LDLRAD3: variants seen among roughly 807,000 people sequenced by gnomAD.
LDLRAD3 encodes low density lipoprotein receptor class A domain containing 3, also known as low-density lipoprotein receptor class A domain-containing protein 3.
Under a neutral mutation model 29.4 loss-of-function variants are expected in LDLRAD3, and 20 were observed. The observed-to-expected ratio is 0.68, with a 90% confidence interval of 0.48 to 0.99. The LOEUF is 0.99. Ranked by LOEUF, LDLRAD3 falls within the 50% of genes least tolerant of loss-of-function variation. LDLRAD3 has a pLI of 0.00. For synonymous variants in LDLRAD3, 157 were observed against 192.7 expected (o/e 0.81, Z 1.53); for missense variants, 420 against 454.3 (o/e 0.92, Z 0.69).
chr11:36,145,158 G>C (rs1343785368), intron 4 of LDLRAD3, among the ~76,000 whole-genome samples: 3 of 124,242 alleles, frequency 2.4e-5, no homozygotes. Context: ...AGGGAGGTGG[G>C]GGGGTCAGCC....
rs147575067 is a variant in LDLRAD3 at position 36,058,023 on chromosome 11, A to T, written c.193+21774A>T. Reference sequence around the variant, plus strand: ...GCACTGGGGTTGATGCCCTCTGAGCACTCAGGAGATGTCTCTTTGATTTTC... The same window carrying T: ...GCACTGGGGTTGATGCCCTCTGAGCTCTCAGGAGATGTCTCTTTGATTTTC... On this transcript the variant is annotated intron_variant, in intron 2 of 5. Transcript: ENST00000315571. Among the ~76,000 whole-genome samples the T allele has an allele frequency of 7.9e-3, 1,197 of 152,318 alleles. 15 individuals are homozygous for T. Among genetic ancestry groups the T allele is most frequent in the Non-Finnish European group, 0.013 (871 of 68,032 alleles).
intron 4 of LDLRAD3, among the ~76,000 whole-genome samples, chr11:36,135,274 T>G (rs1023608487): frequency 6.6e-6 from 1 of 152,222 alleles, no homozygotes; most frequent in African/African-American, 2.4e-5. Context: ...AAGTCGTGCC[T>G]CTGCATTCCA....
chr11:35,965,283 A>G (rs1357693772), intron 1 of LDLRAD3, among the ~76,000 whole-genome samples: 3 of 152,206 alleles, frequency 2.0e-5, no homozygotes, highest in African/African-American at 7.2e-5. Flanking sequence ...AGAATGAAGG[A>G]TGGTCCTGTA....
chr11:36,002,251 G>A (rs7121719), intron 1 of LDLRAD3, among the ~76,000 whole-genome samples: 5,755 of 152,318 alleles, frequency 0.038, 178 homozygotes, highest in East Asian at 0.13. Flanking sequence ...ACACTTAACA[G>A]TCATTCCTGT....
intron 2 of LDLRAD3, among the ~76,000 whole-genome samples, chr11:36,069,969 C>G (rs746857603): frequency 5.9e-5 from 9 of 152,196 alleles, no homozygotes; most frequent in Non-Finnish European, 1.3e-4. Context: ...TCAGCTGAAA[C>G]CGACCTTCCC....
chr11:36,086,830 T>C (rs1853203646), intron 3 of LDLRAD3, among the ~76,000 whole-genome samples: 2 of 152,318 alleles, frequency 1.3e-5, no homozygotes, highest in Admixed American at 1.3e-4. Context: ...TTAAGTGATA[T>C]TCAGTGGGAA....
intron 4 of LDLRAD3, among the ~76,000 whole-genome samples, chr11:36,191,865 T>C (rs1393376234): frequency 6.6e-6 from 1 of 152,026 alleles, no homozygotes; most frequent in African/African-American, 2.4e-5. Context: ...ACAGTGATTA[T>C]CTGTAATTAC....
intron 4 of LDLRAD3, among the ~76,000 whole-genome samples, chr11:36,103,094 C>A (rs1399367972): frequency 6.6e-6 from 1 of 152,058 alleles, no homozygotes; most frequent in Admixed American, 6.6e-5. Context: ...TTTCATTTTG[C>A]AAATCTGAAA....
intron 1 of LDLRAD3, among the ~76,000 whole-genome samples, chr11:35,994,254 A>G (rs573413141): frequency 2.1e-5 from 3 of 145,922 alleles, no homozygotes; most frequent in Non-Finnish European, 4.5e-5. Flanking sequence ...GGAGAATGGC[A>G]TGAACCCAGG....
At chr11:35,972,886 A>G (rs1473837135) in intron 1 of LDLRAD3, 1 of 152,016 alleles carries the variant, frequency 6.6e-6, no homozygotes, top group Admixed American at 6.6e-5. Context: ...CCCCGTCTCT[A>G]CTGAAAATAC....
chr11:36,085,993 T>C (rs1853190405), intron 3 of LDLRAD3, among the ~76,000 whole-genome samples: 1 of 152,218 alleles, frequency 6.6e-6, no homozygotes, highest in Non-Finnish European at 1.5e-5. Context: ...GTCATCAAGC[T>C]CACTTACTCT....
At chr11:36,034,019 T>C (rs1192539075) in intron 1 of LDLRAD3, among the ~76,000 whole-genome samples, 1 of 152,198 alleles carries the variant, frequency 6.6e-6, no homozygotes, top group East Asian at 1.9e-4. Flanking sequence ...TGTTCCATGC[T>C]CTGGGCTACG....
intron 3 of LDLRAD3, among the ~76,000 whole-genome samples, chr11:36,091,047 T>C (rs1336263168): frequency 6.6e-6 from 1 of 152,228 alleles, no homozygotes; most frequent in Non-Finnish European, 1.5e-5. Flanking sequence ...TCTGGTTTCC[T>C]GGGGCCAGGC....
At chr11:35,948,943 C>T (rs1404168927) in intron 1 of LDLRAD3, among the ~76,000 whole-genome samples, 4 of 152,112 alleles carry the variant, frequency 2.6e-5, no homozygotes, top group Non-Finnish European at 4.4e-5. Context: ...CCACGTTGCC[C>T]CTAGTTGAGA....
At chr11:36,153,306 C>G (rs1394226399) in intron 4 of LDLRAD3, among the ~76,000 whole-genome samples, 2 of 152,092 alleles carry the variant, frequency 1.3e-5, no homozygotes, top group African/African-American at 2.4e-5. Context: ...ATAAATGCCA[C>G]CTAACATTGC....
At chr11:36,041,790 A>G (rs758924615) in intron 2 of LDLRAD3, among the ~76,000 whole-genome samples, 14 of 151,768 alleles carry the variant, frequency 9.2e-5, no homozygotes, top group South Asian at 4.2e-4. Flanking sequence ...AAGGCGGTTC[A>G]TTTTCTTCTT....
At chr11:36,210,210 T>A (rs1855264829) in intron 4 of LDLRAD3, among the ~76,000 whole-genome samples, 1 of 152,222 alleles carries the variant, frequency 6.6e-6, no homozygotes, top group Admixed American at 6.5e-5. Context: ...AAATGTAGGA[T>A]GAATGAGTGA....
intron 4 of LDLRAD3, among the ~76,000 whole-genome samples, chr11:36,212,245 A>C (rs1855292577): frequency 6.6e-6 from 1 of 152,072 alleles, no homozygotes; most frequent in African/African-American, 2.4e-5. Context: ...GAATGATTAG[A>C]TTGATCCCGG....
chr11:36,200,229 G>A (rs1264195625), intron 4 of LDLRAD3, among the ~76,000 whole-genome samples: 2 of 152,058 alleles, frequency 1.3e-5, no homozygotes, highest in Admixed American at 6.5e-5. Flanking sequence ...GAAATTTTCA[G>A]TTTTGGAGGC....
Sources: allele counts gnomAD v4.1 joint callset (sites outside exome capture counted in the v4.1 genomes callset), GRCh38; gene constraint gnomAD v4.1.1; transcripts MANE v1.5; gene names NCBI Gene and HGNC (gene_info 2026-07-23, HGNC 2026-07-21).